Variants in PIP4K2A observed in about 807,000 individuals in gnomAD.
PIP4K2A encodes the protein phosphatidylinositol 5-phosphate 4-kinase type-2 alpha.
PIP4K2A carries 14 observed loss-of-function variants against 42.9 expected under a neutral mutation model. The ratio of observed to expected loss-of-function variants is 0.33; its 90% confidence interval spans 0.22 to 0.51. PIP4K2A has a LOEUF of 0.51. Among genes scored for constraint, PIP4K2A ranks in the 20% least tolerant of loss-of-function variants. The pLI is 0.97. For missense variants in PIP4K2A, 434 were observed against 519.8 expected (o/e 0.83, Z 1.61); for synonymous variants, 192 against 192.2 (o/e 1.00, Z 0.01).
At chr10:22,591,267 T>C (rs540873344) in intron 4 of PIP4K2A, among the ~76,000 whole-genome samples, 8 of 152,324 alleles carry the variant, frequency 5.3e-5, no homozygotes, top group South Asian at 2.1e-4. Context: ...GAGGTGTAAA[T>C]AGATACATAC....
chr10:22,575,725 G>T (rs1055461644), intron 4 of PIP4K2A, among the ~76,000 whole-genome samples: 1 of 152,014 alleles, frequency 6.6e-6, no homozygotes, highest in Non-Finnish European at 1.5e-5. Context: ...GGATCACGAG[G>T]TCAGGAGTCC....
At chr10:22,656,772 G>C (rs185089020) in intron 1 of PIP4K2A, among the ~76,000 whole-genome samples, 3 of 151,280 alleles carry the variant, frequency 2.0e-5, no homozygotes, top group Admixed American at 2.0e-4. Flanking sequence ...ACTCCAGCCT[G>C]GGTGAGAAGA....
chr10:22,683,912 T>A (rs1839712025), intron 1 of PIP4K2A, among the ~76,000 whole-genome samples: 1 of 151,988 alleles, frequency 6.6e-6, no homozygotes, highest in Non-Finnish European at 1.5e-5. Context: ...ATTTTCTTTA[T>A]ATCTCTCCTG....
chr10:22,592,473 C>T (rs537564914), intron 3 of PIP4K2A, among the ~76,000 whole-genome samples: 14 of 152,294 alleles, frequency 9.2e-5, no homozygotes, highest in African/African-American at 3.4e-4. Flanking sequence ...TCTTCTAAAA[C>T]AGCTCCTCCT....
intron 1 of PIP4K2A, among the ~76,000 whole-genome samples, chr10:22,668,661 C>G (rs1371493274): frequency 1.3e-5 from 2 of 152,150 alleles, no homozygotes; most frequent in Non-Finnish European, 2.9e-5. Flanking sequence ...CTGCAAAATT[C>G]TATATGGCCC....
In PIP4K2A at chr10:22,542,060, G is replaced by A. The variant is rs1836133625; in HGVS notation, c.793-13C>T. Reference sequence around the variant, plus strand: ...GCTGGGCCAGAAACTGGGGACAGAGGCAACAGGGTGAGTCAGCCACACCTT... The same window carrying A: ...GCTGGGCCAGAAACTGGGGACAGAGACAACAGGGTGAGTCAGCCACACCTT... On this transcript the variant is annotated splice_polypyrimidine_tract_variant and intron_variant, in intron 7 of 9. Transcript: ENST00000376573. 1 of 1,597,082 alleles carries A rather than the reference G, an allele frequency of 6.3e-7. No individual in the cohort carries two copies. Among genetic ancestry groups the A allele is most frequent in the Non-Finnish European group, 8.5e-7 (1 of 1,171,408 alleles).
chr10:22,541,797 A>AACTT lies in PIP4K2A; in HGVS notation c.1036+3_1036+6dup. On this transcript the variant is annotated splice_region_variant and intron_variant, in intron 8 of 9. Transcript: ENST00000376573. ...ATGCAAAAAGGGTCCACAGTAATCAAACTTACTTTCATGGCACTTAATTCC... is the reference window on the plus strand; with the variant it reads ...ATGCAAAAAGGGTCCACAGTAATCAAACTTACTTACTTTCATGGCACTTAATTCC... 6.5e-7 allele frequency: 1 copy of AACTT among 1,538,612 alleles called. No individual in the cohort carries two copies. Among genetic ancestry groups the AACTT allele is most frequent in the Non-Finnish European group, 8.7e-7 (1 of 1,144,692 alleles).
intron 1 of PIP4K2A, among the ~76,000 whole-genome samples, chr10:22,700,279 G>A (rs761255826): frequency 2.0e-5 from 3 of 152,300 alleles, no homozygotes; most frequent in South Asian, 2.1e-4. Context: ...CGATAGCACC[G>A]ATCTCATACA....
chr10:22,597,569 A>C (rs1441415447), intron 3 of PIP4K2A, among the ~76,000 whole-genome samples: 1 of 152,160 alleles, frequency 6.6e-6, no homozygotes, highest in Non-Finnish European at 1.5e-5. Flanking sequence ...AGTTGAAAGG[A>C]GCAATCTTTT....
intron 1 of PIP4K2A, among the ~76,000 whole-genome samples, chr10:22,683,911 A>G (rs1054872120): frequency 2.6e-4 from 39 of 151,584 alleles, no homozygotes; most frequent in African/African-American, 9.5e-4. Flanking sequence ...TATTTTCTTT[A>G]TATCTCTCCT....
intron 6 of PIP4K2A, among the ~76,000 whole-genome samples, chr10:22,557,584 T>C (rs1051752672): frequency 1.3e-5 from 2 of 152,232 alleles, no homozygotes; most frequent in Non-Finnish European, 2.9e-5. Context: ...TTCTAAGGTT[T>C]AGTAAAGCCA....
At chr10:22,578,344 T>C (rs188413143) in intron 4 of PIP4K2A, among the ~76,000 whole-genome samples, 2 of 152,284 alleles carry the variant, frequency 1.3e-5, no homozygotes, top group African/African-American at 4.8e-5. Flanking sequence ...TTACTTTCCT[T>C]TCCCTTCAGA....
intron 1 of PIP4K2A, among the ~76,000 whole-genome samples, chr10:22,630,542 C>G (rs1341515064): frequency 1.3e-5 from 2 of 152,162 alleles, no homozygotes; most frequent in South Asian, 2.1e-4. Context: ...ATTTTTACAA[C>G]GAAAACTGCT....
chr10:22,542,514 C>T (rs917592477), intron 7 of PIP4K2A, among the ~76,000 whole-genome samples: 10 of 152,176 alleles, frequency 6.6e-5, no homozygotes, highest in African/African-American at 1.7e-4. Flanking sequence ...GCGATTGTTA[C>T]GCTGTTGTAA....
intron 6 of PIP4K2A, among the ~76,000 whole-genome samples, chr10:22,566,392 T>C (rs1836848886): frequency 6.6e-6 from 1 of 152,200 alleles, no homozygotes; most frequent in Admixed American, 6.5e-5. Context: ...TTGTTTGCTA[T>C]TTCAGGGAGT....
chr10:22,555,454 T>C (rs1410864805), intron 6 of PIP4K2A, among the ~76,000 whole-genome samples: 1 of 152,256 alleles, frequency 6.6e-6, no homozygotes, highest in East Asian at 1.9e-4. Flanking sequence ...GTATGGCTTA[T>C]GGATCTAGGA....
intron 6 of PIP4K2A, among the ~76,000 whole-genome samples, chr10:22,552,576 A>G (rs1265986182): frequency 1.3e-5 from 2 of 152,248 alleles, no homozygotes; most frequent in Non-Finnish European, 2.9e-5. Flanking sequence ...AACTGTAAAC[A>G]TAATGAAGTT....
chr10:22,591,714 G>A lies in PIP4K2A; in HGVS notation c.407C>T (p.Thr136Ile). The change falls in exon 4 of 10, where the codon ACT (threonine) becomes ATT (isoleucine). Residue 136 changes from threonine to isoleucine, a missense_variant. Coordinates refer to ENST00000376573, the MANE Select transcript of PIP4K2A (RefSeq NM_005028.5). ...GATGATGTATCTTTTGTCGTAGGAA[G>A]TGTGAAAACGAGCTCCACTGCGGGC... ...SQARSGARFH[T>I]SYDKRYIIKT... The A allele has an allele frequency of 2.5e-6, 4 of 1,613,770 alleles. 1 individual carries two copies. In the Middle Eastern group the frequency reaches 4.9e-4, roughly 200 times the overall value.
intron 6 of PIP4K2A, among the ~76,000 whole-genome samples, chr10:22,557,628 TTAAAAAAC>T (rs1345638000): frequency 6.6e-6 from 1 of 152,212 alleles, no homozygotes; most frequent in African/African-American, 2.4e-5. Flanking sequence ...TAGTGAGATT[TTAAAAAAC>T]TATCTTTCAG....
Sources: gnomAD v4.1 joint callset for allele counts (sites outside exome capture counted in the v4.1 genomes callset) on GRCh38, gnomAD v4.1.1 for gene constraint, MANE v1.5 for transcripts, NCBI Gene and HGNC (gene_info 2026-07-23, HGNC 2026-07-21) for gene names.